Variants in TPD52L1 observed in about 807,000 individuals in gnomAD.
The protein encoded by TPD52L1 is TPD52 like 1, also known as tumor protein D53.
In TPD52L1, 18 loss-of-function variants were observed where a neutral mutation model predicts 28.7. The ratio of observed to expected loss-of-function variants is 0.63; its 90% confidence interval spans 0.43 to 0.93. TPD52L1 has a LOEUF of 0.93. Among genes scored for constraint, TPD52L1 ranks in the 40% least tolerant of loss-of-function variants. The pLI, the probability that TPD52L1 is intolerant of heterozygous loss-of-function variation, is 0.00. For missense variants in TPD52L1, 203 were observed against 254.8 expected (o/e 0.80, Z 1.39); for synonymous variants, 75 against 88.8 (o/e 0.84, Z 0.88).
intron 2 of TPD52L1, among the ~76,000 whole-genome samples, chr6:125,227,510 T>C (rs1339654997): frequency 1.3e-5 from 2 of 152,184 alleles, no homozygotes; most frequent in African/African-American, 4.8e-5. Context: ...TTACAGTAAA[T>C]GAGCCACAGT....
In TPD52L1 at chr6:125,220,112, C is replaced by G. The variant is rs141837051; in HGVS notation, c.54C>G (p.Asp18Glu). The change falls in exon 2 of 7, where the codon GAC becomes GAG. Residue 18 changes from aspartate to glutamate, a missense_variant. Coordinates refer to ENST00000534000, the MANE Select transcript of TPD52L1 (RefSeq NM_003287.4). Reference protein sequence around the residue: ...LLETEPLQGTDEDAVASADFS... With the variant: ...LLETEPLQGTEEDAVASADFS... ...AGACTGAACCGTTGCAAGGAACAGA[C>G]GAAGATGCAGTAGCCAGTGCTGACT... The G allele has an allele frequency of 6.8e-6, 11 of 1,613,702 alleles. No homozygotes were observed. The highest frequency in any genetic ancestry group is 7.6e-6 in the Non-Finnish European group (9 of 1,179,750).
At chr6:125,245,767 G>C (rs1796887963) in intron 3 of TPD52L1, among the ~76,000 whole-genome samples, 1 of 152,198 alleles carries the variant, frequency 6.6e-6, no homozygotes, top group East Asian at 1.9e-4. Context: ...GCAGTGCTCT[G>C]CTAATAGAGC....
At chr6:125,234,004 C>T (rs923787590) in intron 3 of TPD52L1, among the ~76,000 whole-genome samples, 1 of 152,124 alleles carries the variant, frequency 6.6e-6, no homozygotes, top group East Asian at 1.9e-4. Context: ...CCATTCCAGC[C>T]AAATTGAGTT....
At chr6:125,201,967 T>G (rs771020942) in intron 1 of TPD52L1, among the ~76,000 whole-genome samples, 6 of 152,210 alleles carry the variant, frequency 3.9e-5, no homozygotes, top group Non-Finnish European at 8.8e-5. Flanking sequence ...TGAAGAAATG[T>G]GAATGTTACT....
chr6:125,191,057 A>T (rs1276704237), intron 1 of TPD52L1, among the ~76,000 whole-genome samples: 2 of 152,240 alleles, frequency 1.3e-5, no homozygotes, highest in Non-Finnish European at 2.9e-5. Flanking sequence ...TGATTTGTAT[A>T]TCGTGTAACA....
At chr6:125,227,784 G>A (rs2114983324) in intron 2 of TPD52L1, among the ~76,000 whole-genome samples, 1 of 152,336 alleles carries the variant, frequency 6.6e-6, no homozygotes, top group Non-Finnish European at 1.5e-5. Context: ...GGATAGAACA[G>A]CACTTTCCAA....
chr6:125,184,592 G>A (rs60188496), intron 1 of TPD52L1, among the ~76,000 whole-genome samples: 1,665 of 152,236 alleles, frequency 0.011, 26 homozygotes, highest in African/African-American at 0.038. Context: ...GAAATAGTTG[G>A]TATTTTGTTT....
chr6:125,170,051 G>C (rs1371849242), intron 1 of TPD52L1, among the ~76,000 whole-genome samples: 1 of 152,006 alleles, frequency 6.6e-6, no homozygotes, highest in Non-Finnish European at 1.5e-5. Context: ...CCTAAATATT[G>C]CTTGTCAGTA....
Position 125,153,904 on chromosome 6 carries a change from G to T in TPD52L1, c.-48G>T. 6.3e-7 allele frequency: 1 copy of T among 1,583,408 alleles called. No homozygotes were observed. On this transcript the variant is annotated 5_prime_UTR_variant, in exon 1 of 7. Transcript: ENST00000534000. ...CCTGGGCGCAGCTGCCATCTGCTCTGGGAAGCACCAGGGTGTCCCCGCCGC... is the reference window on the plus strand; with the variant it reads ...CCTGGGCGCAGCTGCCATCTGCTCTTGGAAGCACCAGGGTGTCCCCGCCGC...
In TPD52L1 at chr6:125,172,156, CTTTTCTTT is replaced by C. The variant is rs1181024534; in HGVS notation, c.19+18187_19+18194del. On this transcript the variant is annotated intron_variant, in intron 1 of 6. Transcript: ENST00000534000. The stretch of plus-strand genomic sequence containing the variant: ...TCTTTCTTTCTTTCTTTCTTTCTTT[CTTTTCTTT>C]CTTTCTTTCTTTCTTTCTTTCTTTC... Among the ~76,000 whole-genome samples the C allele has an allele frequency of 4.5e-4, 18 of 40,222 alleles. No individual in the cohort carries two copies. The East Asian group carries it at 0.013, about 30-fold the overall frequency. The allele number at this position is 40,222 out of a possible 152,430, so 26.4% of individuals were successfully genotyped here.
At chr6:125,223,729 AAAG>A (rs1795411051) in intron 2 of TPD52L1, among the ~76,000 whole-genome samples, 1 of 150,010 alleles carries the variant, frequency 6.7e-6, no homozygotes, top group African/African-American at 2.5e-5. Flanking sequence ...AAAAAAAAAA[AAAG>A]GAATCTCTTT....
chr6:125,249,633 A>G (rs1360186925), intron 4 of TPD52L1, among the ~76,000 whole-genome samples: 1 of 148,892 alleles, frequency 6.7e-6, no homozygotes, highest in Non-Finnish European at 1.5e-5. Flanking sequence ...CAGAGGTTGC[A>G]GTGAGCCCAG....
At chr6:125,251,859 CA>C (rs1237207575) in intron 4 of TPD52L1, among the ~76,000 whole-genome samples, 4 of 152,184 alleles carry the variant, frequency 2.6e-5, no homozygotes, top group Admixed American at 6.5e-5. Flanking sequence ...AATGATTTGT[CA>C]GAGACATTAA....
intron 1 of TPD52L1, among the ~76,000 whole-genome samples, chr6:125,205,603 A>G (rs1227027455): frequency 6.6e-6 from 1 of 152,204 alleles, no homozygotes. Context: ...AGGCTTATGT[A>G]TATTCCTGAA....
chr6:125,256,081 G>C (rs1004262399), intron 5 of TPD52L1, among the ~76,000 whole-genome samples: 6 of 152,174 alleles, frequency 3.9e-5, no homozygotes, highest in Non-Finnish European at 5.9e-5. Context: ...AGGCACGGTG[G>C]CTCACGCCTG....
In TPD52L1 at chr6:125,156,352, G is replaced by A. The variant is rs145085482; in HGVS notation, c.19+2382G>A. ...GTGGTGGCATGTGCCTGTAGGCCTA[G>A]CTACTTGGAAGGCTGGAGTGGGAGG... On this transcript the variant is annotated intron_variant, in intron 1 of 6. Transcript: ENST00000534000. Among the ~76,000 whole-genome samples, 419 of 151,486 alleles carry A rather than the reference G, an allele frequency of 2.8e-3. 5 individuals are homozygous for A. The highest frequency in any genetic ancestry group is 8.8e-3 in the African/African-American group (362 of 41,250).
intron 3 of TPD52L1, among the ~76,000 whole-genome samples, chr6:125,246,318 C>T (rs568514930): frequency 3.3e-5 from 5 of 152,088 alleles, no homozygotes; most frequent in African/African-American, 4.8e-5. Context: ...GTTTTTCACC[C>T]GTCTCTCAGA....
At chr6:125,184,154 G>A (rs1443522779) in intron 1 of TPD52L1, among the ~76,000 whole-genome samples, 2 of 152,122 alleles carry the variant, frequency 1.3e-5, no homozygotes. Context: ...CAAACTCAAA[G>A]CTGCTCCCAG....
rs191253391 is a variant in TPD52L1, at chr6:125,238,834, C to T, written c.285-9448C>T. 5.9e-5 allele frequency among the ~76,000 whole-genome samples: 9 copies of T among 152,308 alleles called. No homozygotes were observed. In the East Asian group the frequency reaches 1.7e-3, roughly 29 times the overall value. The stretch of plus-strand genomic sequence containing the variant: ...AATAAAGAAAAATTTGGACTTCCTA[C>T]CACAGTTATATTTTATATCACATTT... On this transcript the variant is annotated intron_variant, in intron 3 of 6. Transcript: ENST00000534000.
Sources: allele counts gnomAD v4.1 joint callset (sites outside exome capture counted in the v4.1 genomes callset), GRCh38; gene constraint gnomAD v4.1.1; transcripts MANE v1.5; gene names NCBI Gene and HGNC (gene_info 2026-07-23, HGNC 2026-07-21).